Variants in SDC3 observed in about 807,000 individuals in gnomAD.
SDC3 encodes the protein syndecan 3, also known as syndecan-3.
In SDC3, 13 loss-of-function variants were observed where a neutral mutation model predicts 24.4. The observed-to-expected ratio is 0.53, with a 90% CI of 0.35 to 0.85. The LOEUF is 0.85. Ranked by LOEUF, SDC3 falls within the 40% of genes least tolerant of loss-of-function variation. The pLI is 0.01. For missense variants in SDC3, 571 were observed against 584.5 expected (o/e 0.98, Z 0.24); for synonymous variants, 295 against 260.9 (o/e 1.13, Z -1.26).
rs139693850 is a variant in SDC3, at chr1:30,876,724, G to T, written c.698C>A (p.Pro233His). The change falls in exon 3 of 5, where the codon CCC becomes CAC. Residue 233 changes from proline (P) to histidine (H), a missense_variant. By Grantham distance (77) the Pro-to-His change is moderately conservative. Transcript: ENST00000339394. ...GGTGTCCAAGACAGCCGCCGTGGTG[G>T]GCGGGGAGGGCGCCTCGGGGGTAGT... ...RATTPEAPSPPTTAAVLDTEA... is the reference protein window; with the variant it reads ...RATTPEAPSPHTTAAVLDTEA... 1.3e-6 allele frequency: 2 copies of T among 1,592,862 alleles called. No homozygotes were observed. The highest frequency in any genetic ancestry group is 1.1e-5 in the South Asian group (1 of 88,368).
intron 1 of SDC3, among the ~76,000 whole-genome samples, chr1:30,889,450 G>A (rs1188146538): frequency 6.6e-6 from 1 of 152,116 alleles, no homozygotes; most frequent in Non-Finnish European, 1.5e-5. Context: ...GGGGCCCCAT[G>A]GTTGCTGACC....
chr1:30,893,331 AC>A (rs1255169985), intron 1 of SDC3, among the ~76,000 whole-genome samples: 1 of 46,884 alleles, frequency 2.1e-5, no homozygotes, highest in Non-Finnish European at 4.3e-5. Context: ...ATGTCTCATG[AC>A]CAAACATTTG....
chr1:30,903,376 G>A (rs1055866164), intron 1 of SDC3, among the ~76,000 whole-genome samples: 4 of 152,102 alleles, frequency 2.6e-5, no homozygotes, highest in Non-Finnish European at 5.9e-5. Flanking sequence ...CCTGTGCCCT[G>A]ACCACATGAC....
At chr1:30,886,378 C>T (rs906902233) in intron 1 of SDC3, among the ~76,000 whole-genome samples, 36 of 152,158 alleles carry the variant, frequency 2.4e-4, no homozygotes, top group African/African-American at 8.7e-4. Flanking sequence ...CACATACGCA[C>T]GCCAACCACC....
At chr1:30,885,764 C>T (rs181541860) in intron 1 of SDC3, among the ~76,000 whole-genome samples, 5 of 152,214 alleles carry the variant, frequency 3.3e-5, no homozygotes, top group African/African-American at 7.2e-5. Context: ...TGCCCAGACA[C>T]CCACCCGCCC....
At position 30,898,854 on chromosome 1, in the gene SDC3, G is replaced by T. The variant is rs575427662; in HGVS notation, c.138+9595C>A. Among the ~76,000 whole-genome samples, 13 of 152,332 alleles carry T rather than the reference G, an allele frequency of 8.5e-5. No homozygotes were observed. The South Asian group carries it at 2.5e-3, about 29-fold the overall frequency. ...AAGTGGAGGCCCAGAGAGGGAACAG[G>T]CTGCCTGCTACCACTTGACAAGCTA... On this transcript the variant is annotated intron_variant, in intron 1 of 4. Coordinates refer to ENST00000339394, the MANE Select transcript of SDC3 (RefSeq NM_014654.4).
chr1:30,877,450 G>A, intron 2 of SDC3: 1 of 588,762 alleles, frequency 1.7e-6, no homozygotes, highest in African/African-American at 1.9e-5. Flanking sequence ...GTTTCTATGA[G>A]GTTGAATCCA....
intron 1 of SDC3, among the ~76,000 whole-genome samples, chr1:30,882,236 C>A (rs1212462327): frequency 2.6e-5 from 4 of 152,206 alleles, no homozygotes; most frequent in African/African-American, 7.2e-5. Context: ...ACGCACTTTC[C>A]TTCCGGGTAC....
chr1:30,878,979 T>C lies in SDC3; in HGVS notation c.139-239A>G. Reference sequence around the variant, plus strand: ...CAGTGTCTGGCTGATGACTTTCTCTTAGAAACTGGTCATTTTTCATCTTGA... The same window carrying C: ...CAGTGTCTGGCTGATGACTTTCTCTCAGAAACTGGTCATTTTTCATCTTGA... On this transcript the variant is annotated intron_variant, in intron 1 of 4. Coordinates refer to ENST00000339394, the MANE Select transcript of SDC3 (RefSeq NM_014654.4). 4 of 505,486 alleles carry C rather than the reference T, an allele frequency of 7.9e-6. No individual in the cohort carries two copies. The South Asian group carries it at 1.1e-4, about 14-fold the overall frequency. 31.3% of individuals were successfully genotyped at this position (505,486 alleles called of 1,614,324 possible).
intron 1 of SDC3, among the ~76,000 whole-genome samples, chr1:30,885,190 A>G (rs1197498939): frequency 2.0e-5 from 3 of 152,226 alleles, no homozygotes; most frequent in Non-Finnish European, 4.4e-5. Flanking sequence ...CGTGGGGTTT[A>G]CAGAAGGAGG....
Position 30,877,158 on chromosome 1 carries a change from C to A in SDC3, c.264G>T (p.Glu88Asp), listed in dbSNP as rs201260717. The A allele has an allele frequency of 3.1e-6, 5 of 1,613,766 alleles. No individual in the cohort carries two copies. The highest frequency in any genetic ancestry group is 3.3e-5 in the Admixed American group (2 of 60,002). ...TGGCTGTCTCAATGCCCGACTCCTG[C>A]TCGAAGTCTGAGGGGGTGGGGGAGA... ...LYSGSGSGYF[E>D]QESGIETAMR... The change falls in exon 3 of 5, where the codon GAG (glutamate) becomes GAT (aspartate). Residue 88 changes from glutamate (E) to aspartate (D), a missense_variant. Physicochemically the swap from Glu to Asp is conservative, Grantham distance 45 (BLOSUM62 2). Transcript: ENST00000339394.
At position 30,870,144 on chromosome 1, in the gene SDC3, C is replaced by A; in HGVS notation, c.*3067G>T. On this transcript the variant is annotated 3_prime_UTR_variant, in exon 5 of 5. Transcript: ENST00000339394. ...GTCTGCTCCCTGTGTCCAGGGGCCC[C>A]CACCAGGAGGCCTGACAGGCGGCTT... 1 of 382,150 alleles carries A rather than the reference C, an allele frequency of 2.6e-6. No homozygotes were observed. Among genetic ancestry groups the A allele is most frequent in the East Asian group, 3.7e-5 (1 of 26,852 alleles). The allele number at this position is 382,150 out of a possible 1,614,324, so 23.7% of individuals were successfully genotyped here. A position where few individuals can be genotyped will look rare whatever the true frequency, so the allele number is the denominator to read the frequency against.
intron 1 of SDC3, 35 bp from the exon 2 acceptor site, chr1:30,878,775 C>T (rs1557516057): frequency 6.3e-7 from 1 of 1,585,842 alleles, no homozygotes; most frequent in East Asian, 2.2e-5. Flanking sequence ...GGGCTCGGCA[C>T]CCGAGACTGG....
At chr1:30,882,643 T>C (rs1388389812) in intron 1 of SDC3, among the ~76,000 whole-genome samples, 4 of 152,114 alleles carry the variant, frequency 2.6e-5, no homozygotes, top group Non-Finnish European at 5.9e-5. Context: ...CGGCTACCTC[T>C]ACCCACCCAC....
In SDC3 at chr1:30,900,622, C is replaced by T. The variant is rs569302279; in HGVS notation, c.138+7827G>A. Among the ~76,000 whole-genome samples, 21 of 152,270 alleles carry T rather than the reference C, an allele frequency of 1.4e-4. 1 individual carries two copies. In the East Asian group the frequency reaches 3.3e-3, roughly 24 times the overall value. On this transcript the variant is annotated intron_variant, in intron 1 of 4. Coordinates refer to ENST00000339394, the MANE Select transcript of SDC3 (RefSeq NM_014654.4). ...TCTCCAGGAGCCTTGCCTACTCAGG[C>T]CCTGCATCCCCCACGGAGCACCCCC...
chr1:30,904,726 T>G (rs1638482381), intron 1 of SDC3, among the ~76,000 whole-genome samples: 1 of 152,160 alleles, frequency 6.6e-6, no homozygotes, highest in Non-Finnish European at 1.5e-5. Context: ...CAGGGCAGGT[T>G]ACAGCCTGCT....
At chr1:30,899,734 C>T (rs968248757) in intron 1 of SDC3, among the ~76,000 whole-genome samples, 2 of 152,166 alleles carry the variant, frequency 1.3e-5, no homozygotes, top group African/African-American at 4.8e-5. Context: ...GGTAGGGCTT[C>T]CTCCCTGCTT....
chr1:30,894,132 TGA>T (rs535601797), intron 1 of SDC3, among the ~76,000 whole-genome samples: 4 of 151,358 alleles, frequency 2.6e-5, no homozygotes, highest in East Asian at 3.9e-4. Flanking sequence ...TGTGTGTGTG[TGA>T]GAGAGAGTGT....
At chr1:30,890,736 A>G (rs1277894322) in intron 1 of SDC3, among the ~76,000 whole-genome samples, 1 of 152,212 alleles carries the variant, frequency 6.6e-6, no homozygotes, top group Non-Finnish European at 1.5e-5. Flanking sequence ...CACACAGCAG[A>G]GCCTGGACTC....
Sources: allele counts gnomAD v4.1 joint callset (sites outside exome capture counted in the v4.1 genomes callset), GRCh38; gene constraint gnomAD v4.1.1; transcripts MANE v1.5; gene names NCBI Gene and HGNC (gene_info 2026-07-23, HGNC 2026-07-21).